Variants in CACNA2D3 observed in about 807,000 individuals in gnomAD.
CACNA2D3 encodes the protein calcium voltage-gated channel auxiliary subunit alpha2delta 3.
CACNA2D3 carries 60 observed loss-of-function variants against 160.6 expected under a neutral mutation model. That is an observed-to-expected ratio of 0.37 (90% CI 0.30 to 0.46). CACNA2D3 has a LOEUF of 0.46. CACNA2D3 is among the 20% of genes least tolerant of loss of function. CACNA2D3 has a pLI of 1.00. For missense variants in CACNA2D3, 1,205 were observed against 1,365.0 expected (o/e 0.88, Z 1.85); for synonymous variants, 558 against 492.9 (o/e 1.13, Z -1.75).
At chr3:55,009,746 A>G (rs907941417) in intron 34 of CACNA2D3, among the ~76,000 whole-genome samples, 1 of 152,210 alleles carries the variant, frequency 6.6e-6, no homozygotes, top group Non-Finnish European at 1.5e-5. Flanking sequence ...CAATGCTGAA[A>G]TAGAAGGGAG....
Position 54,848,819 on chromosome 3 carries a change from A to G in CACNA2D3, c.1626+2352A>G, listed in dbSNP as rs184146802. Among the ~76,000 whole-genome samples, 814 of 152,288 alleles carry G rather than the reference A, an allele frequency of 5.3e-3. 9 individuals are homozygous for G. The highest frequency in any genetic ancestry group is 0.017 in the African/African-American group (721 of 41,556). ...CCCTGAGCTGCACTTTTCTCTTGCA[A>G]TCCTGCCATAACCATAGTGCATAGA... On this transcript the variant is annotated intron_variant, in intron 17 of 37. Coordinates refer to ENST00000474759, the MANE Select transcript of CACNA2D3 (RefSeq NM_018398.3).
intron 11 of CACNA2D3, among the ~76,000 whole-genome samples, chr3:54,649,266 G>T (rs761433686): frequency 6.6e-6 from 1 of 152,136 alleles, no homozygotes. Flanking sequence ...CCTTGGCCTG[G>T]AATGTTGAAA....
intron 35 of CACNA2D3, among the ~76,000 whole-genome samples, chr3:55,061,536 T>C (rs1463682327): frequency 6.6e-6 from 1 of 152,170 alleles, no homozygotes. Context: ...GCTTAAACAA[T>C]ACAGGGAAAA....
intron 5 of CACNA2D3, among the ~76,000 whole-genome samples, chr3:54,518,525 C>T (rs895939548): frequency 3.3e-5 from 5 of 152,216 alleles, no homozygotes; most frequent in African/African-American, 4.8e-5. Context: ...GGCCAGTCAT[C>T]TGGGACCAGC....
chr3:54,824,417 G>GA (rs1450989510), intron 14 of CACNA2D3, among the ~76,000 whole-genome samples: 1 of 152,150 alleles, frequency 6.6e-6, no homozygotes, highest in Non-Finnish European at 1.5e-5. Flanking sequence ...CTTAAAAATG[G>GA]AAAAAATGAA....
intron 2 of CACNA2D3, among the ~76,000 whole-genome samples, chr3:54,301,892 A>G (rs931780145): frequency 1.3e-5 from 2 of 152,212 alleles, no homozygotes; most frequent in South Asian, 2.1e-4. Flanking sequence ...CCACCTGACC[A>G]TTGTTTAAGA....
chr3:55,036,861 A>G (rs1703828618), intron 35 of CACNA2D3, among the ~76,000 whole-genome samples: 1 of 152,166 alleles, frequency 6.6e-6, no homozygotes, highest in Non-Finnish European at 1.5e-5. Flanking sequence ...CTTTCAGAAT[A>G]TTTAGCAGTA....
In CACNA2D3 at chr3:54,319,485, A is replaced by T. The variant is rs532121181; in HGVS notation, c.205-957A>T. Among the ~76,000 whole-genome samples, 6 of 152,258 alleles carry T rather than the reference A, an allele frequency of 3.9e-5. No individual in the cohort carries two copies. The South Asian group carries it at 1.2e-3, about 32-fold the overall frequency. On this transcript the variant is annotated intron_variant, in intron 2 of 37. Coordinates refer to ENST00000474759, the MANE Select transcript of CACNA2D3 (RefSeq NM_018398.3). ...TAAATATATCTTACCCAGCATCTTT[A>T]ATTTTCCAGCTGTTTGATAACCAAA...
chr3:54,722,950 A>T (rs1367214838), intron 11 of CACNA2D3, among the ~76,000 whole-genome samples: 1 of 152,190 alleles, frequency 6.6e-6, no homozygotes, highest in East Asian at 1.9e-4. Flanking sequence ...CTCTCTTCAG[A>T]GCCATCAGGC....
At chr3:54,759,679 T>G (rs1427340636) in intron 12 of CACNA2D3, among the ~76,000 whole-genome samples, 6 of 152,184 alleles carry the variant, frequency 3.9e-5, no homozygotes, top group African/African-American at 1.4e-4. Context: ...AGTAGATCTT[T>G]GTTGTTGCTC....
At chr3:54,197,908 G>A (rs189447385) in intron 2 of CACNA2D3, among the ~76,000 whole-genome samples, 143 of 152,264 alleles carry the variant, frequency 9.4e-4, no homozygotes, top group African/African-American at 3.2e-3. Flanking sequence ...TTCTAGCTTT[G>A]GGGTGTTAGA....
intron 29 of CACNA2D3, among the ~76,000 whole-genome samples, chr3:54,975,860 C>G (rs1171483525): frequency 4.6e-5 from 7 of 152,004 alleles, no homozygotes; most frequent in Non-Finnish European, 7.4e-5. Context: ...GGGGTTGATA[C>G]CACTTGACCA....
chr3:54,503,374 T>C, intron 4 of CACNA2D3, 118 bp from the exon 5 acceptor site: 3 of 802,678 alleles, frequency 3.7e-6, no homozygotes, highest in East Asian at 2.4e-5. Flanking sequence ...AAAAAGATTA[T>C]GTGAGCAGAT....
intron 2 of CACNA2D3, among the ~76,000 whole-genome samples, chr3:54,190,730 G>A (rs558247052): frequency 6.6e-6 from 1 of 152,238 alleles, no homozygotes; most frequent in African/African-American, 2.4e-5. Flanking sequence ...AAGATTATAA[G>A]TAAAATACTC....
At chr3:55,059,924 G>A (rs907000978) in intron 35 of CACNA2D3, among the ~76,000 whole-genome samples, 1 of 151,984 alleles carries the variant, frequency 6.6e-6, no homozygotes, top group African/African-American at 2.4e-5. Flanking sequence ...CCTCTGCCAG[G>A]CTGCTCTTCT....
At chr3:54,774,054 T>C (rs1702371893) in intron 13 of CACNA2D3, among the ~76,000 whole-genome samples, 2 of 152,196 alleles carry the variant, frequency 1.3e-5, no homozygotes, top group Admixed American at 6.5e-5. Flanking sequence ...TCATACAACA[T>C]GATGGCTTAT....
At position 54,460,901 on chromosome 3, in the gene CACNA2D3, C is replaced by T. The variant is rs1018513602; in HGVS notation, c.382-42591C>T. On this transcript the variant is annotated intron_variant, in intron 4 of 37. Coordinates refer to ENST00000474759, the MANE Select transcript of CACNA2D3 (RefSeq NM_018398.3). The stretch of plus-strand genomic sequence containing the variant: ...AGTTTTTGCCCATTCAGTGTGATAT[C>T]GGCTGTGGGTTTGTCATAGATAGCT... Among the ~76,000 whole-genome samples, 361 of 152,194 alleles carry T rather than the reference C, an allele frequency of 2.4e-3. 1 individual carries two copies. The highest frequency in any genetic ancestry group is 4.5e-3 in the African/African-American group (187 of 41,518).
intron 9 of CACNA2D3, among the ~76,000 whole-genome samples, chr3:54,608,928 A>T (rs749691505): frequency 1.3e-5 from 2 of 152,154 alleles, no homozygotes; most frequent in Non-Finnish European, 2.9e-5. Flanking sequence ...TACTTGCTAG[A>T]GACCTTGAGG....
At chr3:54,855,864 C>T (rs904400490) in intron 17 of CACNA2D3, among the ~76,000 whole-genome samples, 1 of 152,194 alleles carries the variant, frequency 6.6e-6, no homozygotes, top group Non-Finnish European at 1.5e-5. Context: ...GGGTGTGGCT[C>T]TGACCCCTGC....
Sources: allele counts gnomAD v4.1 joint callset (sites outside exome capture counted in the v4.1 genomes callset), GRCh38; gene constraint gnomAD v4.1.1; transcripts MANE v1.5; gene names NCBI Gene and HGNC (gene_info 2026-07-23, HGNC 2026-07-21).